The following DOCK2 variants were observed in gnomAD, a reference collection of about 807,000 sequenced individuals.
The protein encoded by DOCK2 is dedicator of cytokinesis 2, also known as dedicator of cytokinesis protein 2.
In DOCK2, 87 loss-of-function variants were observed where a neutral mutation model predicts 248.9. The ratio of observed to expected loss-of-function variants is 0.35; its 90% CI spans 0.29 to 0.42. The LOEUF (loss-of-function observed/expected upper bound fraction) is 0.42. Ranked by LOEUF, DOCK2 falls within the 10% of genes least tolerant of loss-of-function variation. DOCK2 has a pLI of 1.00. For missense variants in DOCK2, 1,747 were observed against 2,300.2 expected, an observed-to-expected ratio of 0.76 and a Z score of 4.92; for synonymous variants, 805 against 821.6, an observed-to-expected ratio of 0.98 and a Z score of 0.35.
At chr5:169,893,095 A>G (rs1244641216) in intron 27 of DOCK2, among the ~76,000 whole-genome samples, 1 of 152,054 alleles carries the variant, frequency 6.6e-6, no homozygotes, top group Non-Finnish European at 1.5e-5. Context: ...TAAATGTTTT[A>G]GGGTCAGTGA....
intron 27 of DOCK2, among the ~76,000 whole-genome samples, chr5:169,945,857 C>T (rs1388010066): frequency 6.6e-6 from 1 of 152,190 alleles, no homozygotes; most frequent in Non-Finnish European, 1.5e-5. Context: ...TTTTTCTTGA[C>T]TCGTCCTTAT....
chr5:169,684,575 A>T (rs1759847605), intron 8 of DOCK2, among the ~76,000 whole-genome samples: 1 of 152,248 alleles, frequency 6.6e-6, no homozygotes, highest in Admixed American at 6.5e-5. Flanking sequence ...GGTTTTGTAA[A>T]ATAGATTTTG....
intron 26 of DOCK2, among the ~76,000 whole-genome samples, chr5:169,818,721 C>T (rs1768229236): frequency 6.6e-6 from 1 of 152,014 alleles, no homozygotes; most frequent in Non-Finnish European, 1.5e-5. Flanking sequence ...GTTCTATTTC[C>T]AGCTCTAATT....
intron 26 of DOCK2, among the ~76,000 whole-genome samples, chr5:169,823,238 G>GA (rs1324313316): frequency 1.3e-5 from 2 of 152,100 alleles, no homozygotes; most frequent in Non-Finnish European, 2.9e-5. Flanking sequence ...CCAATCAATA[G>GA]AAAAAGAGAG....
chr5:170,002,821 C>T (rs575058358), intron 30 of DOCK2, among the ~76,000 whole-genome samples: 11 of 152,110 alleles, frequency 7.2e-5, no homozygotes, highest in Non-Finnish European at 1.6e-4. Context: ...CTCATCTCTT[C>T]CCCAGGGCAA....
intron 19 of DOCK2, among the ~76,000 whole-genome samples, chr5:169,714,701 G>A (rs1455968752): frequency 6.6e-6 from 1 of 152,132 alleles, no homozygotes; most frequent in African/African-American, 2.4e-5. Context: ...GGAAATAGAT[G>A]AGCCTGGGTG....
At chr5:169,686,397 A>C (rs934532805) in intron 8 of DOCK2, among the ~76,000 whole-genome samples, 3 of 152,238 alleles carry the variant, frequency 2.0e-5, no homozygotes, top group Non-Finnish European at 4.4e-5. Context: ...GCCACCTGGC[A>C]GGCCATGCTC....
At chr5:169,784,516 G>C (rs1765882780) in intron 25 of DOCK2, among the ~76,000 whole-genome samples, 1 of 152,258 alleles carries the variant, frequency 6.6e-6, no homozygotes, top group South Asian at 2.1e-4. Context: ...TATTTTCCTT[G>C]GCATGAAAGA....
intron 27 of DOCK2, among the ~76,000 whole-genome samples, chr5:169,851,484 G>T (rs1293734433): frequency 6.6e-6 from 1 of 152,242 alleles, no homozygotes; most frequent in East Asian, 1.9e-4. Context: ...GTGTCCAATG[G>T]AGCAGACCTT....
intron 27 of DOCK2, among the ~76,000 whole-genome samples, chr5:169,955,897 T>C (rs1690713507): frequency 6.6e-6 from 1 of 152,194 alleles, no homozygotes; most frequent in African/African-American, 2.4e-5. Context: ...TGGCTCATTG[T>C]ACTGCTCAAG....
intron 27 of DOCK2, among the ~76,000 whole-genome samples, chr5:169,869,254 T>C (rs1267758175): frequency 6.6e-6 from 1 of 152,204 alleles, no homozygotes; most frequent in African/African-American, 2.4e-5. Context: ...TATGTTTCTA[T>C]GGAAACACAG....
At chr5:170,023,417 A>G (rs890005707) in intron 33 of DOCK2, among the ~76,000 whole-genome samples, 1 of 152,168 alleles carries the variant, frequency 6.6e-6, no homozygotes, top group African/African-American at 2.4e-5. Flanking sequence ...ACATCAATTC[A>G]ATAAATCTGT....
intron 22 of DOCK2, among the ~76,000 whole-genome samples, chr5:169,742,697 T>TG (rs1189674640): frequency 6.6e-6 from 1 of 152,222 alleles, no homozygotes; most frequent in Non-Finnish European, 1.5e-5. Context: ...ATCTCAGTTT[T>TG]GGGCTGAGGC....
At chr5:169,984,631 A>G (rs1008041895) in intron 28 of DOCK2, among the ~76,000 whole-genome samples, 2 of 152,228 alleles carry the variant, frequency 1.3e-5, no homozygotes. Flanking sequence ...TATCCTCACT[A>G]TGCTTTACCA....
chr5:169,680,901 A>G (rs1419306935), intron 6 of DOCK2, among the ~76,000 whole-genome samples: 1 of 151,956 alleles, frequency 6.6e-6, no homozygotes, highest in African/African-American at 2.4e-5. Flanking sequence ...CAGATAACAT[A>G]TCTGGCCTAT....
At chr5:169,896,602 C>T (rs1351007684) in intron 27 of DOCK2, among the ~76,000 whole-genome samples, 3 of 152,272 alleles carry the variant, frequency 2.0e-5, no homozygotes, top group Non-Finnish European at 2.9e-5. Flanking sequence ...AGGCTGGAAC[C>T]ACTTAATAAA....
chr5:170,001,157 A>C (rs187839116), intron 30 of DOCK2, among the ~76,000 whole-genome samples: 10 of 152,244 alleles, frequency 6.6e-5, no homozygotes, highest in Admixed American at 2.6e-4. Flanking sequence ...CCACTCCCCA[A>C]ATCAGAAGCA....
intron 27 of DOCK2, among the ~76,000 whole-genome samples, chr5:169,858,824 A>G (rs1771025444): frequency 6.6e-6 from 1 of 152,116 alleles, no homozygotes; most frequent in Admixed American, 6.5e-5. Flanking sequence ...CAACATAGCA[A>G]GGCTCAGTCT....
intron 46 of DOCK2, among the ~76,000 whole-genome samples, chr5:170,070,511 C>A (rs1358031681): frequency 2.0e-5 from 3 of 152,196 alleles, no homozygotes; most frequent in African/African-American, 7.2e-5. Context: ...CCTTGTGCCA[C>A]CTGTGAAGCC....
Sources: gnomAD v4.1 joint callset for allele counts (sites outside exome capture counted in the v4.1 genomes callset) on GRCh38, gnomAD v4.1.1 for gene constraint, MANE v1.5 for transcripts, NCBI Gene and HGNC (gene_info 2026-07-23, HGNC 2026-07-21) for gene names.